Variants in COL11A1 observed in about 807,000 individuals in gnomAD.
COL11A1 encodes collagen type XI alpha 1 chain.
In COL11A1, 74 loss-of-function variants were observed where a neutral mutation model predicts 265.2. The observed-to-expected ratio is 0.28, with a 90% confidence interval of 0.23 to 0.34. The LOEUF (loss-of-function observed/expected upper bound fraction) is 0.34. Ranked by LOEUF, COL11A1 falls within the 10% of genes least tolerant of loss-of-function variation. COL11A1 has a pLI of 1.00. For synonymous variants in COL11A1, 816 were observed against 727.6 expected, an observed-to-expected ratio of 1.12 and a Z score of -1.96; for missense variants, 2,165 against 2,263.6, an observed-to-expected ratio of 0.96 and a Z score of 0.88.
intron 24 of COL11A1, chr1:103,001,526 G>T (rs1200347979): frequency 8.9e-6 from 4 of 451,114 alleles, no homozygotes; most frequent in East Asian, 6.4e-5. Flanking sequence ...AGATATAATG[G>T]CAATGACAAC....
At position 103,008,578 on chromosome 1, in the gene COL11A1, G is replaced by T. The variant is rs1665838930; in HGVS notation, c.1630-62C>A. On this transcript the variant is annotated intron_variant, in intron 14 of 66. Coordinates refer to ENST00000370096, the MANE Select transcript of COL11A1 (RefSeq NM_001854.4). The stretch of plus-strand genomic sequence containing the variant: ...GCAATTTCCTAACTACTTTTATCCT[G>T]CCAATTGCACCTGAAATAATTAAAC... The T allele has an allele frequency of 3.2e-6, 4 of 1,258,238 alleles. No homozygotes were observed. The Admixed American group carries it at 5.1e-5, about 16-fold the overall frequency. The allele number at this position is 1,258,238 out of a possible 1,614,324, so 77.9% of individuals were successfully genotyped here. A position where few individuals can be genotyped will look rare whatever the true frequency, so the allele number is the denominator to read the frequency against.
chr1:102,997,248 A>G (rs1230828691), intron 25 of COL11A1, 124 bp from the exon 26 acceptor site: 4 of 913,858 alleles, frequency 4.4e-6, no homozygotes, highest in Non-Finnish European at 7.2e-6. Context: ...AAAACATTGA[A>G]CACTTTTGCA....
chr1:103,043,535 T>C (rs554726910), intron 4 of COL11A1, among the ~76,000 whole-genome samples: 1 of 152,082 alleles, frequency 6.6e-6, no homozygotes, highest in Non-Finnish European at 1.5e-5. Context: ...CAATAAATGA[T>C]CAATAAATGG....
intron 42 of COL11A1, among the ~76,000 whole-genome samples, chr1:102,943,456 C>T (rs1346629890): frequency 1.9e-4 from 17 of 87,740 alleles, no homozygotes; most frequent in African/African-American, 6.7e-4. Context: ...CACACATACA[C>T]ACACACACAC....
Position 102,950,726 on chromosome 1 carries a change from T to C in COL11A1, c.3169-3770A>G, listed in dbSNP as rs559756436. On this transcript the variant is annotated intron_variant, in intron 41 of 66. Transcript: ENST00000370096. The stretch of plus-strand genomic sequence containing the variant: ...ATACTACTAAAATTCCAGCCTCTTT[T>C]TTTTGACCCAGGTCAATAACCATCT... 6.4e-4 allele frequency among the ~76,000 whole-genome samples: 98 copies of C among 152,188 alleles called. 1 individual carries two copies. The highest frequency in any genetic ancestry group is 2.4e-4 in the Non-Finnish European group (16 of 68,024).
intron 5 of COL11A1, among the ~76,000 whole-genome samples, chr1:103,030,281 G>A (rs1001895386): frequency 3.5e-4 from 53 of 151,956 alleles, no homozygotes; most frequent in Non-Finnish European, 7.1e-4. Flanking sequence ...AAATATCAGT[G>A]CAACAGAATT....
chr1:102,927,811 T>A (rs1033535432), intron 46 of COL11A1, among the ~76,000 whole-genome samples: 3 of 152,216 alleles, frequency 2.0e-5, no homozygotes, highest in Non-Finnish European at 4.4e-5. Context: ...AATTTTAAAA[T>A]GATAATAATC....
At chr1:102,904,198 T>A (rs1274189698) in intron 54 of COL11A1, among the ~76,000 whole-genome samples, 1 of 152,042 alleles carries the variant, frequency 6.6e-6, no homozygotes, top group Non-Finnish European at 1.5e-5. Context: ...TACATATGGC[T>A]AGCCAGTTTT....
intron 4 of COL11A1, among the ~76,000 whole-genome samples, chr1:103,069,230 T>C (rs1183369656): frequency 6.6e-6 from 1 of 151,756 alleles, no homozygotes; most frequent in Non-Finnish European, 1.5e-5. Flanking sequence ...AATAATAAGG[T>C]AGAGAGTTCA....
At position 102,889,498 on chromosome 1, in the gene COL11A1, C is replaced by A; in HGVS notation, c.4421G>T (p.Gly1474Val). Residue 1474 changes from glycine to valine, a missense_variant, in exon 59 of 67, where the codon GGG (glycine) becomes GTG (valine). Coordinates refer to ENST00000370096, the MANE Select transcript of COL11A1 (RefSeq NM_001854.4). ...TGGAGATCCTTGAGTTCCAGGGAGCCCTCGGTCACCTTTTTCCCCTTGTTC... is the reference window on the plus strand; with the variant it reads ...TGGAGATCCTTGAGTTCCAGGGAGCACTCGGTCACCTTTTTCCCCTTGTTC... Reference protein sequence around the residue: ...PGEQGEKGDRGLPGTQGSPGA... With the variant: ...PGEQGEKGDRVLPGTQGSPGA... 6.2e-7 allele frequency: 1 copy of A among 1,613,396 alleles called. No individual in the cohort carries two copies. The highest frequency in any genetic ancestry group is 8.5e-7 in the Non-Finnish European group (1 of 1,179,800).
At chr1:102,995,430 T>C (rs1296658583) in intron 28 of COL11A1, among the ~76,000 whole-genome samples, 1 of 152,102 alleles carries the variant, frequency 6.6e-6, no homozygotes, top group East Asian at 1.9e-4. Context: ...CCAATTAATT[T>C]AGTGTACTTC....
chr1:102,893,022 T>A (rs190836891), intron 57 of COL11A1, among the ~76,000 whole-genome samples: 145 of 152,292 alleles, frequency 9.5e-4, no homozygotes, highest in East Asian at 3.3e-3. Flanking sequence ...AATTGTCAAA[T>A]TCACTTTCAA....
chr1:102,998,952 C>A (rs1287995773), intron 24 of COL11A1, among the ~76,000 whole-genome samples: 1 of 151,932 alleles, frequency 6.6e-6, no homozygotes, highest in Non-Finnish European at 1.5e-5. Context: ...TTTAACCACA[C>A]AGAGTTTCAA....
intron 46 of COL11A1, 48 bp downstream of exon 46, chr1:102,934,401 G>A (rs1195340357): frequency 7.3e-7 from 1 of 1,363,432 alleles, no homozygotes; most frequent in East Asian, 2.3e-5. Flanking sequence ...AAAACCTGGT[G>A]AGAAGTAGGT....
At chr1:102,912,929 A>G (rs1557810630) in intron 53 of COL11A1, among the ~76,000 whole-genome samples, 2 of 152,234 alleles carry the variant, frequency 1.3e-5, no homozygotes, top group Non-Finnish European at 2.9e-5. Context: ...AGCCATGCAG[A>G]ATTGTGAGTC....
intron 24 of COL11A1, chr1:103,001,345 T>C: frequency 2.5e-6 from 1 of 396,130 alleles, no homozygotes; most frequent in Non-Finnish European, 4.4e-6. Flanking sequence ...AGAAAAAAGG[T>C]GTTGGAAAGA....
chr1:102,950,204 C>A (rs970716442), intron 41 of COL11A1, among the ~76,000 whole-genome samples: 2 of 152,034 alleles, frequency 1.3e-5, no homozygotes, highest in African/African-American at 4.8e-5. Context: ...GTCACCTGAG[C>A]CCAGGGAGGT....
intron 4 of COL11A1, among the ~76,000 whole-genome samples, chr1:103,065,403 C>T (rs1671031538): frequency 6.6e-6 from 1 of 151,296 alleles, no homozygotes; most frequent in Non-Finnish European, 1.5e-5. Flanking sequence ...GCCTGTAGTC[C>T]CAGCTACTCA....
At chr1:103,019,883 C>A (rs1247466172) in intron 9 of COL11A1, among the ~76,000 whole-genome samples, 1 of 150,334 alleles carries the variant, frequency 6.7e-6, no homozygotes, top group South Asian at 2.2e-4. Flanking sequence ...ATGATGGTTT[C>A]CAATTTCATC....
Sources: gnomAD v4.1 joint callset for allele counts (sites outside exome capture counted in the v4.1 genomes callset) on GRCh38, gnomAD v4.1.1 for gene constraint, MANE v1.5 for transcripts, NCBI Gene and HGNC (gene_info 2026-07-23, HGNC 2026-07-21) for gene names.